The following TRPM7 variants were observed in gnomAD, a reference collection of about 807,000 sequenced individuals.
TRPM7 encodes transient receptor potential cation channel subfamily M member 7.
Under a neutral mutation model 229.7 loss-of-function variants are expected in TRPM7, and 134 were observed. The ratio of observed to expected loss-of-function variants is 0.58; its 90% confidence interval spans 0.51 to 0.67. The LOEUF (loss-of-function observed/expected upper bound fraction) is 0.67. TRPM7 is among the 30% of genes least tolerant of loss of function. The pLI is 0.00. For synonymous variants in TRPM7, 699 were observed against 715.2 expected, an observed-to-expected ratio of 0.98 and a Z score of 0.36; for missense variants, 1,901 against 2,210.0, an observed-to-expected ratio of 0.86 and a Z score of 2.80.
intron 1 of TRPM7, among the ~76,000 whole-genome samples, chr15:50,665,498 T>C (rs1040940165): frequency 6.6e-6 from 1 of 151,986 alleles, no homozygotes; most frequent in African/African-American, 2.4e-5. Context: ...CACAATGCAA[T>C]TAACATAATG....
chr15:50,591,565 C>T (rs1008678861), intron 26 of TRPM7, among the ~76,000 whole-genome samples: 4 of 151,170 alleles, frequency 2.6e-5, no homozygotes, highest in Non-Finnish European at 5.9e-5. Flanking sequence ...TGTGTGATCA[C>T]AGCCCACTGC....
In TRPM7 at chr15:50,686,755, G is replaced by C; in HGVS notation, c.-222C>G. 1.9e-6 allele frequency: 1 copy of C among 523,328 alleles called. No individual in the cohort carries two copies. Among genetic ancestry groups the C allele is most frequent in the Middle Eastern group, 5.3e-4 (1 of 1,890 alleles). 32.4% of individuals were successfully genotyped at this position (523,328 alleles called of 1,614,324 possible). On this transcript the variant is annotated 5_prime_UTR_variant, in exon 1 of 39. Transcript: ENST00000646667. ...AACTCCTCCGGGTGACTGGCCACAG[G>C]GACGCGCCCGCGCCCGCCTCCGCCG...
rs566799504 is a variant in TRPM7, at chr15:50,680,501, G to A, written c.3+6030C>T. On this transcript the variant is annotated intron_variant, in intron 1 of 38. Coordinates refer to ENST00000646667, the MANE Select transcript of TRPM7 (RefSeq NM_017672.6). The stretch of plus-strand genomic sequence containing the variant: ...GGAGAATGGCTTGAACCCGGGAGGC[G>A]GAGTCTGCAATGAGCCAAGATCGCA... 3.3e-4 allele frequency among the ~76,000 whole-genome samples: 50 copies of A among 151,496 alleles called. 1 individual carries two copies. Among genetic ancestry groups the A allele is most frequent in the South Asian group, 2.1e-3 (10 of 4,802 alleles).
Position 50,591,949 on chromosome 15 carries a change from G to A in TRPM7, c.4286C>T (p.Ala1429Val). 1 of 1,595,674 alleles carries A rather than the reference G, an allele frequency of 6.3e-7. No homozygotes were observed. The highest frequency in any genetic ancestry group is 8.5e-7 in the Non-Finnish European group (1 of 1,175,090). The change falls in exon 26 of 39, where the codon GCT becomes GTT. Residue 1429 changes from alanine (A) to valine (V), a missense_variant. By Grantham distance (64) the Ala-to-Val change is moderately conservative. Around this residue, in one of 8 missense-constraint regions of TRPM7, gnomAD observed 533 missense variants for 497.1 expected, o/e 1.07. Coordinates refer to ENST00000646667, the MANE Select transcript of TRPM7 (RefSeq NM_017672.6). Reference protein sequence around the residue: ...TKDQETVCSKATEGDNTEFGA... With the variant: ...TKDQETVCSKVTEGDNTEFGA... Reference sequence around the variant, plus strand: ...AAATTCTGTATTATCTCCTTCTGTAGCTTTAGAGCAAACAGTTTCTTGATC... The same window carrying A: ...AAATTCTGTATTATCTCCTTCTGTAACTTTAGAGCAAACAGTTTCTTGATC...
At chr15:50,663,910 C>T (rs2061803653) in intron 1 of TRPM7, among the ~76,000 whole-genome samples, 1 of 151,940 alleles carries the variant, frequency 6.6e-6, no homozygotes, top group Non-Finnish European at 1.5e-5. Context: ...ATGCAGTCAG[C>T]CATGATCAGG....
chr15:50,628,202 C>T lies in TRPM7; in HGVS notation c.1252G>A (p.Asp418Asn). 1 of 1,613,510 alleles carries T rather than the reference C, an allele frequency of 6.2e-7. No individual in the cohort carries two copies. Among genetic ancestry groups the T allele is most frequent in the Admixed American group, 1.7e-5 (1 of 59,996 alleles). Residue 418 changes from aspartate to asparagine, a missense_variant, in exon 11 of 39, where the codon GAT becomes AAT. Asp to Asn is a conservative substitution (Grantham distance 23, BLOSUM62 1). Transcript: ENST00000646667. ...TGATTTTTGGCAATGTCAACTCTAT[C>T]CCATGCCAATGTAAGGATAAGCTGG... ...FDQLILTLAWDRVDIAKNHVF... is the reference protein window; with the variant it reads ...FDQLILTLAWNRVDIAKNHVF...
At chr15:50,680,187 T>C (rs1162733368) in intron 1 of TRPM7, among the ~76,000 whole-genome samples, 3 of 151,708 alleles carry the variant, frequency 2.0e-5, no homozygotes, top group Non-Finnish European at 4.4e-5. Flanking sequence ...GGAGCTGAGA[T>C]TGTGCCACTG....
In TRPM7 at chr15:50,611,456, A is replaced by G. The variant is rs16963812; in HGVS notation, c.2052-135T>C. Reference sequence around the variant, plus strand: ...TACAGAATTATGAGGCATTAAAACCATAACTCTGTTTTCAGACATCTACAT... The same window carrying G: ...TACAGAATTATGAGGCATTAAAACCGTAACTCTGTTTTCAGACATCTACAT... On this transcript the variant is annotated intron_variant, in intron 16 of 38. Transcript: ENST00000646667. 6.6e-3 allele frequency: 4,541 copies of G among 683,338 alleles called. 158 individuals are homozygous for G. In the African/African-American group the frequency reaches 0.072, roughly 11 times the overall value. 42.3% of individuals were successfully genotyped at this position (683,338 alleles called of 1,614,324 possible). A position where few individuals can be genotyped will look rare whatever the true frequency, so the allele number is the denominator to read the frequency against.
At chr15:50,666,660 G>A (rs1027777777) in intron 1 of TRPM7, among the ~76,000 whole-genome samples, 8 of 152,070 alleles carry the variant, frequency 5.3e-5, no homozygotes, top group African/African-American at 1.9e-4. Context: ...AAATTAGCCA[G>A]GCATGGTGGT....
At chr15:50,585,050 ATTTTTT>A (rs755433337) in intron 28 of TRPM7, among the ~76,000 whole-genome samples, 1 of 95,060 alleles carries the variant, frequency 1.1e-5, no homozygotes, top group Non-Finnish European at 2.0e-5. Flanking sequence ...TAATTTTTGT[ATTTTTT>A]TTTTTTTTTT....
chr15:50,624,346 T>C (rs761400740), intron 11 of TRPM7, 46 bp from the exon 12 acceptor site: 1 of 1,478,876 alleles, frequency 6.8e-7, no homozygotes, highest in South Asian at 1.4e-5. Context: ...ATATTCTAAT[T>C]ATACAAACAC....
chr15:50,590,468 A>C (rs1448514061), intron 26 of TRPM7, among the ~76,000 whole-genome samples: 1 of 152,236 alleles, frequency 6.6e-6, no homozygotes, highest in Non-Finnish European at 1.5e-5. Context: ...TATAATCTCC[A>C]CATTAAGACC....
chr15:50,624,100 T>C, intron 12 of TRPM7, 66 bp downstream of exon 12: 1 of 1,488,994 alleles, frequency 6.7e-7, no homozygotes, highest in East Asian at 2.3e-5. Context: ...AATGGCTATA[T>C]TCAGGTAAAG....
chr15:50,631,570 T>C (rs1453050920), intron 9 of TRPM7, 81 bp from the exon 10 acceptor site: 3 of 821,176 alleles, frequency 3.7e-6, no homozygotes, highest in South Asian at 1.7e-5. Flanking sequence ...TTTCAAACTA[T>C]ATGGGGGGCA....
rs1313822287 is a variant in TRPM7 at position 50,634,466 on chromosome 15, G to T, written c.923C>A (p.Pro308His). 2 of 1,584,950 alleles carry T rather than the reference G, an allele frequency of 1.3e-6. No individual in the cohort carries two copies. Among genetic ancestry groups the T allele is most frequent in the Non-Finnish European group, 1.7e-6 (2 of 1,167,992 alleles). ...TTCACACACAACTACTGGAACAGGG[G>T]GGCTTTCCTGAAGGTATTCAAGAAC... ...LTVLEYLQES[P>H]PVPVVVCEGT... Residue 308 changes from proline to histidine, a missense_variant, in exon 8 of 39, where the codon CCC becomes CAC. Pro to His is a moderately conservative substitution (Grantham distance 77). Coordinates refer to ENST00000646667, the MANE Select transcript of TRPM7 (RefSeq NM_017672.6).
chr15:50,567,803 A>G (rs2053670415), intron 38 of TRPM7, among the ~76,000 whole-genome samples: 1 of 152,146 alleles, frequency 6.6e-6, no homozygotes, highest in African/African-American at 2.4e-5. Context: ...AGAAACAAGG[A>G]GTAGGCCGGG....
intron 10 of TRPM7, among the ~76,000 whole-genome samples, chr15:50,629,859 CTTTT>C (rs33991422): frequency 1.7e-4 from 18 of 106,522 alleles, no homozygotes; most frequent in African/African-American, 3.5e-4. Context: ...TCTTTTTAAC[CTTTT>C]TTTTTTTTTT....
At chr15:50,608,753 A>AG (rs2059987159) in intron 19 of TRPM7, among the ~76,000 whole-genome samples, 2 of 152,230 alleles carry the variant, frequency 1.3e-5, no homozygotes, top group Non-Finnish European at 2.9e-5. Context: ...AAATCTCCCC[A>AG]ACAACAAAGT....
chr15:50,622,053 A>C (rs537485), intron 12 of TRPM7, among the ~76,000 whole-genome samples: 14,021 of 152,256 alleles, frequency 0.092, 684 homozygotes, highest in South Asian at 0.12. Context: ...CAAAACAAAA[A>C]AAAAGTATCA....
Sources: gnomAD v4.1 joint callset for allele counts (sites outside exome capture counted in the v4.1 genomes callset) on GRCh38, gnomAD v4.1.1 for gene constraint, gnomAD v4.1.1 regional missense constraint, MANE v1.5 for transcripts, NCBI Gene and HGNC (gene_info 2026-07-23, HGNC 2026-07-21) for gene names.